The following ADAMTS18 variants were observed in gnomAD, a reference collection of about 807,000 sequenced individuals.
The protein encoded by ADAMTS18 is A disintegrin and metalloproteinase with thrombospondin motifs 18.
Under a neutral mutation model 165.9 loss-of-function variants are expected in ADAMTS18, and 157 were observed. The ratio of observed to expected loss-of-function variants is 0.95; its 90% confidence interval spans 0.83 to 1.08. The LOEUF is 1.08. ADAMTS18 is among the 50% of genes least tolerant of loss of function. The pLI, the probability that ADAMTS18 is intolerant of heterozygous loss-of-function variation, is 0.00. For synonymous variants in ADAMTS18, 782 were observed against 578.2 expected (o/e 1.35, Z -5.06); for missense variants, 2,040 against 1,534.0 (o/e 1.33, Z -5.51).
intron 4 of ADAMTS18, among the ~76,000 whole-genome samples, chr16:77,364,960 G>C (rs370351546): frequency 7.9e-5 from 12 of 152,152 alleles, no homozygotes; most frequent in African/African-American, 2.6e-4. Flanking sequence ...ACAAAAATTA[G>C]TCATGCATGG....
chr16:77,394,701 A>G (rs567355846), intron 3 of ADAMTS18, among the ~76,000 whole-genome samples: 1 of 152,372 alleles, frequency 6.6e-6, no homozygotes, highest in African/African-American at 2.4e-5. Context: ...GAAAATTTCA[A>G]GAAAGTATTT....
At chr16:77,344,743 CAA>C (rs34250947) in intron 10 of ADAMTS18, among the ~76,000 whole-genome samples, 7 of 145,084 alleles carry the variant, frequency 4.8e-5, no homozygotes, top group Admixed American at 1.4e-4. Context: ...CAAAGCAAAA[CAA>C]AAAAAAAAAC....
chr16:77,322,420 A>C lies in ADAMTS18; in HGVS notation c.2079T>G (p.Phe693Leu). The part of the protein sequence containing the change: ...KLYCKAENFE[F>L]FFAMSGKVKD... ...TCACTTTGCCGGACATTGCAAAAAA[A>C]AATTCAAAGTTCTCAGCCTTGCAGT... Residue 693 changes from phenylalanine to leucine, a missense_variant, in exon 14 of 23, where the codon TTT (phenylalanine) becomes TTG (leucine). Phe to Leu is a conservative substitution (Grantham distance 22). Transcript: ENST00000282849. 6.2e-7 allele frequency: 1 copy of C among 1,614,152 alleles called. No homozygotes were observed. The highest frequency in any genetic ancestry group is 8.5e-7 in the Non-Finnish European group (1 of 1,179,988).
intron 3 of ADAMTS18, among the ~76,000 whole-genome samples, chr16:77,381,663 G>C (rs1248642751): frequency 1.3e-5 from 2 of 152,092 alleles, no homozygotes; most frequent in Non-Finnish European, 2.9e-5. Flanking sequence ...TTAGCCAGCT[G>C]TAGTGACGCA....
intron 11 of ADAMTS18, among the ~76,000 whole-genome samples, chr16:77,340,794 C>T (rs1161036745): frequency 2.6e-5 from 4 of 152,096 alleles, no homozygotes; most frequent in Non-Finnish European, 5.9e-5. Flanking sequence ...TCTTGAACTC[C>T]TGGCTTCAAG....
intron 12 of ADAMTS18, among the ~76,000 whole-genome samples, chr16:77,334,837 A>G (rs1271073147): frequency 1.6e-5 from 2 of 127,538 alleles, no homozygotes; most frequent in Non-Finnish European, 3.2e-5. Context: ...ATACTATAGT[A>G]TACAGTATAT....
intron 3 of ADAMTS18, among the ~76,000 whole-genome samples, chr16:77,391,245 G>A (rs2057182163): frequency 6.6e-6 from 1 of 152,148 alleles, no homozygotes. Context: ...GCTCATGCCT[G>A]TAACCCCAGC....
chr16:77,284,121 T>C, intron 22 of ADAMTS18, 50 bp from the exon 23 acceptor site: 1 of 1,321,246 alleles, frequency 7.6e-7, no homozygotes, highest in Admixed American at 1.8e-5. Flanking sequence ...TCTATCCTTT[T>C]TCTTTTTTTT....
At chr16:77,383,883 G>C (rs1254156188) in intron 3 of ADAMTS18, among the ~76,000 whole-genome samples, 1 of 152,016 alleles carries the variant, frequency 6.6e-6, no homozygotes, top group African/African-American at 2.4e-5. Context: ...TGTTTCAATA[G>C]GATGCTTCAA....
At chr16:77,346,443 T>C (rs1272851784) in intron 10 of ADAMTS18, among the ~76,000 whole-genome samples, 2 of 152,088 alleles carry the variant, frequency 1.3e-5, no homozygotes, top group African/African-American at 2.4e-5. Flanking sequence ...ATAAAGACTC[T>C]GGAATTTTTA....
At chr16:77,326,060 T>C in intron 12 of ADAMTS18, 22 bp from the exon 13 acceptor site, 1 of 1,609,468 alleles carries the variant, frequency 6.2e-7, no homozygotes, top group Non-Finnish European at 8.5e-7. Flanking sequence ...ATTAATGAAC[T>C]TTAATGTTAG....
chr16:77,350,785 G>A (rs1213816457), intron 10 of ADAMTS18, among the ~76,000 whole-genome samples: 1 of 152,096 alleles, frequency 6.6e-6, no homozygotes, highest in Non-Finnish European at 1.5e-5. Flanking sequence ...GGCCTGGGAC[G>A]AGACATTTCT....
At chr16:77,414,501 T>C (rs1864160) in intron 3 of ADAMTS18, among the ~76,000 whole-genome samples, 22,730 of 152,234 alleles carry the variant, frequency 0.15, 1,815 homozygotes, top group Middle Eastern at 0.19. Context: ...CCAACATAAA[T>C]TTTCCCTATT....
intron 12 of ADAMTS18, among the ~76,000 whole-genome samples, chr16:77,333,761 G>A (rs1385680004): frequency 6.7e-6 from 1 of 149,310 alleles, no homozygotes. Context: ...AGTGTGCCAT[G>A]TTTTCTTTAT....
Position 77,300,327 on chromosome 16 carries a change from G to A in ADAMTS18, c.2610C>T (p.Ala870=), listed in dbSNP as rs771947586. The A allele has an allele frequency of 6.2e-7, 1 of 1,614,020 alleles. No homozygotes were observed. The highest frequency in any genetic ancestry group is 2.2e-5 in the East Asian group (1 of 44,860). The part of the protein sequence containing the change: ...LPKVMNGTPP[A]TKRPAYTWSI... Reference sequence around the variant, plus strand: ...TCCAGGTATAGGCAGGTCTTTTTGTGGCTGGTGGAGTTCCATTCATGACCT... The same window carrying A: ...TCCAGGTATAGGCAGGTCTTTTTGTAGCTGGTGGAGTTCCATTCATGACCT... The change falls in exon 17 of 23, where the codon GCC becomes GCT. Residue 870 remains alanine, a synonymous_variant. Coordinates refer to ENST00000282849, the MANE Select transcript of ADAMTS18 (RefSeq NM_199355.4).
intron 16 of ADAMTS18, among the ~76,000 whole-genome samples, chr16:77,312,152 G>C (rs952191433): frequency 1.3e-5 from 2 of 152,072 alleles, no homozygotes; most frequent in Non-Finnish European, 2.9e-5. Flanking sequence ...TTTACAAAGA[G>C]ATAGATTGAT....
chr16:77,302,326 A>G (rs192789879), intron 16 of ADAMTS18, among the ~76,000 whole-genome samples: 1 of 152,208 alleles, frequency 6.6e-6, no homozygotes, highest in African/African-American at 2.4e-5. Context: ...TTTCAAATGT[A>G]GCACTTATTT....
At chr16:77,422,512 G>A (rs1412081079) in intron 3 of ADAMTS18, among the ~76,000 whole-genome samples, 18 of 149,408 alleles carry the variant, frequency 1.2e-4, no homozygotes, top group Non-Finnish European at 1.5e-5. Flanking sequence ...GATGCAGGGA[G>A]ATGGGGAGGG....
chr16:77,381,671 G>A (rs371608946), intron 3 of ADAMTS18, among the ~76,000 whole-genome samples: 16 of 152,106 alleles, frequency 1.1e-4, no homozygotes, highest in African/African-American at 2.9e-4. Context: ...CTGTAGTGAC[G>A]CACGCCTGTA....
Sources: gnomAD v4.1 joint callset for allele counts (sites outside exome capture counted in the v4.1 genomes callset) on GRCh38, gnomAD v4.1.1 for gene constraint, MANE v1.5 for transcripts, NCBI Gene and HGNC (gene_info 2026-07-23, HGNC 2026-07-21) for gene names.